The following ENPP2 variants were observed in gnomAD, a reference collection of about 807,000 sequenced individuals.
The protein encoded by ENPP2 is autotaxin.
In ENPP2, 51 loss-of-function variants were observed where a neutral mutation model predicts 120.2. The observed-to-expected ratio is 0.42, with a 90% CI of 0.34 to 0.54. The LOEUF (loss-of-function observed/expected upper bound fraction) is 0.54, where lower values mean the gene tolerates loss of function less well. Ranked by LOEUF, ENPP2 falls within the 20% of genes least tolerant of loss-of-function variation. ENPP2 has a pLI of 0.04. For missense variants in ENPP2, 920 were observed against 1,066.5 expected (o/e 0.86, Z 1.91); for synonymous variants, 365 against 366.4 (o/e 1.00, Z 0.04).
intron 2 of ENPP2, among the ~76,000 whole-genome samples, chr8:119,636,470 T>C (rs1360240928): frequency 1.3e-5 from 2 of 152,170 alleles, no homozygotes; most frequent in East Asian, 3.8e-4. Flanking sequence ...TTCACGTGGT[T>C]AGAAGTTTAA....
intron 18 of ENPP2, among the ~76,000 whole-genome samples, chr8:119,581,662 G>A (rs982404601): frequency 3.9e-5 from 6 of 151,904 alleles, no homozygotes; most frequent in East Asian, 1.9e-4. Context: ...AGGGCACTTC[G>A]TCACTCCTCA....
intron 2 of ENPP2, among the ~76,000 whole-genome samples, chr8:119,637,594 T>G (rs1817077146): frequency 1.3e-5 from 2 of 152,196 alleles, no homozygotes; most frequent in Non-Finnish European, 2.9e-5. Context: ...CATGCTGGAA[T>G]GTCAGGAAAA....
intron 1 of ENPP2, among the ~76,000 whole-genome samples, chr8:119,648,168 T>C (rs543946289): frequency 3.3e-5 from 5 of 152,290 alleles, no homozygotes; most frequent in African/African-American, 1.2e-4. Flanking sequence ...ATAATGCATG[T>C]TAAGCAAGTA....
chr8:119,586,130 T>C, intron 15 of ENPP2, 56 bp downstream of exon 15: 2 of 1,563,390 alleles, frequency 1.3e-6, no homozygotes, highest in South Asian at 1.2e-5. Flanking sequence ...ATATTTCCAG[T>C]TGCCAAAGGG....
chr8:119,617,608 G>GTA (rs781705287), intron 5 of ENPP2, 45 bp from the exon 6 acceptor site: 1 of 1,361,538 alleles, frequency 7.3e-7, no homozygotes, highest in Non-Finnish European at 1.0e-6. Flanking sequence ...TATTACCAGA[G>GTA]TTGCCATTAC....
chr8:119,629,417 C>T (rs1816504117), intron 2 of ENPP2, among the ~76,000 whole-genome samples: 1 of 152,074 alleles, frequency 6.6e-6, no homozygotes. Flanking sequence ...AAGCAAGAAG[C>T]AGGAGAAGAA....
At chr8:119,617,271 C>G (rs1455852997) in intron 6 of ENPP2, 28 bp from the exon 7 acceptor site, 5 of 1,546,436 alleles carry the variant, frequency 3.2e-6, no homozygotes, top group Non-Finnish European at 4.5e-6. Context: ...AATATTAGAA[C>G]AAGAGAACCA....
At chr8:119,589,564 G>A (rs58198422) in intron 13 of ENPP2, among the ~76,000 whole-genome samples, 14 of 152,226 alleles carry the variant, frequency 9.2e-5, no homozygotes, top group Middle Eastern at 6.8e-3. Context: ...CAGTCTATGC[G>A]AGGGCAGAAA....
At chr8:119,615,271 A>G (rs570762506) in intron 8 of ENPP2, among the ~76,000 whole-genome samples, 6 of 152,188 alleles carry the variant, frequency 3.9e-5, no homozygotes, top group African/African-American at 1.4e-4. Flanking sequence ...CACTGTCTCC[A>G]ATCAGAATTG....
At chr8:119,617,402 G>T in intron 6 of ENPP2, 64 bp downstream of exon 6, 1 of 1,236,444 alleles carries the variant, frequency 8.1e-7, no homozygotes, top group Non-Finnish European at 1.2e-6. Flanking sequence ...AAAGCCCACA[G>T]CCCACTGGTT....
At chr8:119,562,012 C>CTA (rs1813996315) in intron 24 of ENPP2, among the ~76,000 whole-genome samples, 1 of 152,058 alleles carries the variant, frequency 6.6e-6, no homozygotes, top group Non-Finnish European at 1.5e-5. Flanking sequence ...TGGTGGGCGC[C>CTA]TATAGTCCCA....
At chr8:119,622,382 T>C (rs956925363) in intron 3 of ENPP2, among the ~76,000 whole-genome samples, 5 of 152,230 alleles carry the variant, frequency 3.3e-5, no homozygotes, top group African/African-American at 9.6e-5. Flanking sequence ...TTCTAACCAC[T>C]GACCCATTGT....
intron 16 of ENPP2, 52 bp from the exon 17 acceptor site, chr8:119,583,856 C>G (rs778363813): frequency 2.9e-6 from 4 of 1,398,556 alleles, no homozygotes; most frequent in Non-Finnish European, 4.0e-6. Flanking sequence ...AGGTAGGAAC[C>G]CTTCCTCTAT....
At position 119,569,275 on chromosome 8, in the gene ENPP2, T is replaced by C. The variant is rs1261557907; in HGVS notation, c.2013A>G (p.Lys671=). 6.2e-7 allele frequency: 1 copy of C among 1,614,098 alleles called. No homozygotes were observed. The highest frequency in any genetic ancestry group is 8.5e-7 in the Non-Finnish European group (1 of 1,179,988). The change falls in exon 21 of 25, where the codon AAA becomes AAG. Residue 671 remains lysine, a synonymous_variant. Coordinates refer to ENST00000075322, the MANE Select transcript of ENPP2 (RefSeq NM_001040092.3). ...ATCCGTAGGACATCTGCTTATCATT[T>C]TTGTAGGCCAAACAGTTCTGACTGA... The part of the protein sequence containing the change: ...PSFSQNCLAY[K]NDKQMSYGFL...
chr8:119,616,425 A>G (rs1815464619), intron 7 of ENPP2, 41 bp from the exon 8 acceptor site: 1 of 1,440,028 alleles, frequency 6.9e-7, no homozygotes, highest in Non-Finnish European at 9.7e-7. Context: ...TAACAATACA[A>G]TAATCCACAT....
chr8:119,644,625 T>TACACACACAC (rs1217498689), intron 1 of ENPP2, among the ~76,000 whole-genome samples: 1 of 74,290 alleles, frequency 1.3e-5, no homozygotes, highest in African/African-American at 5.0e-5. Context: ...TATATATATA[T>TACACACACAC]ACACACACAC....
intron 7 of ENPP2, 45 bp downstream of exon 7, chr8:119,617,119 A>T (rs766088433): frequency 1.5e-5 from 18 of 1,173,266 alleles, no homozygotes; most frequent in Admixed American, 3.4e-5. Context: ...TCATTCCAGG[A>T]TGAAATCAGC....
At chr8:119,618,322 C>T in intron 5 of ENPP2, 1 of 481,948 alleles carries the variant, frequency 2.1e-6, no homozygotes, top group Non-Finnish European at 4.2e-6. Context: ...TCTTATGGGC[C>T]TCTGTATAAG....
chr8:119,667,531 G>A (rs1818108850), intron 1 of ENPP2, among the ~76,000 whole-genome samples: 1 of 152,134 alleles, frequency 6.6e-6, no homozygotes, highest in Non-Finnish European at 1.5e-5. Flanking sequence ...CTCTTTTGCA[G>A]GTTAAATATC....
Sources: gnomAD v4.1 joint callset for allele counts (sites outside exome capture counted in the v4.1 genomes callset) on GRCh38, gnomAD v4.1.1 for gene constraint, MANE v1.5 for transcripts, NCBI Gene and HGNC (gene_info 2026-07-23, HGNC 2026-07-21) for gene names.